Variants in NSUN2 observed in about 807,000 individuals in gnomAD.
NSUN2 encodes RNA cytosine C(5)-methyltransferase NSUN2.
In NSUN2, 63 loss-of-function variants were observed where a neutral mutation model predicts 92.7. The ratio of observed to expected loss-of-function variants is 0.68; its 90% CI spans 0.56 to 0.84. The LOEUF is 0.84. Ranked by LOEUF, NSUN2 falls within the 40% of genes least tolerant of loss-of-function variation. NSUN2 has a pLI of 0.00. For missense variants in NSUN2, 989 were observed against 964.9 expected (o/e 1.02, Z -0.33); for synonymous variants, 356 against 348.3 (o/e 1.02, Z -0.25).
intron 3 of NSUN2, among the ~76,000 whole-genome samples, 167 bp from the exon 4 acceptor site, chr5:6,625,836 G>A (rs1737633176): frequency 6.6e-6 from 1 of 152,200 alleles, no homozygotes; most frequent in Admixed American, 6.5e-5. Flanking sequence ...AGATGTCGCT[G>A]TAGGCTTAAG....
At chr5:6,617,713 A>T (rs899345678) in intron 8 of NSUN2, among the ~76,000 whole-genome samples, 1 of 152,256 alleles carries the variant, frequency 6.6e-6, no homozygotes, top group African/African-American at 2.4e-5. Context: ...GAAGTGTTGC[A>T]AGAAATTTTT....
At chr5:6,611,581 A>G (rs1736994368) in intron 10 of NSUN2, 144 bp downstream of exon 10, 1 of 682,266 alleles carries the variant, frequency 1.5e-6, no homozygotes, top group South Asian at 2.0e-5. Flanking sequence ...GTGTCATGAA[A>G]TAACACTCCG....
chr5:6,604,908 A>T, intron 15 of NSUN2: 1 of 605,390 alleles, frequency 1.7e-6, no homozygotes, highest in Non-Finnish European at 2.9e-6. Flanking sequence ...AAATGGCCAA[A>T]TTCTAAGGGA....
chr5:6,626,474 A>C (rs1737660054), intron 3 of NSUN2, among the ~76,000 whole-genome samples: 1 of 151,936 alleles, frequency 6.6e-6, no homozygotes, highest in African/African-American at 2.4e-5. Context: ...GATTCAAGTA[A>C]TTCTCATGCC....
chr5:6,630,924 T>A (rs1212972555), intron 3 of NSUN2, among the ~76,000 whole-genome samples: 5 of 152,062 alleles, frequency 3.3e-5, no homozygotes, highest in African/African-American at 1.2e-4. Context: ...AAAACCCGTC[T>A]CCACTAAAAA....
At position 6,623,741 on chromosome 5, in the gene NSUN2, G is replaced by A. The variant is rs1200003947; in HGVS notation, c.466-456C>T. Among the ~76,000 whole-genome samples the A allele has an allele frequency of 2.6e-5, 4 of 152,136 alleles. No homozygotes were observed. The East Asian group carries it at 5.8e-4, about 22-fold the overall frequency. On this transcript the variant is annotated intron_variant, in intron 4 of 18. Coordinates refer to ENST00000264670, the MANE Select transcript of NSUN2 (RefSeq NM_017755.6). ...TCCACTATTTTCAGACATAGCCCAT[G>A]CCCACTTTCTATTTCTCATAACTAC...
chr5:6,616,820 G>C lies in NSUN2; in HGVS notation c.928C>G (p.Leu310Val). 6.2e-7 allele frequency: 1 copy of C among 1,614,020 alleles called. No individual in the cohort carries two copies. ...TACACCATCCTTCCACCTTCAGCCA[G>C]CTGTTCAGCCCCGCGTGTTGCAATC... is the stretch of plus-strand genomic sequence containing the variant. ...LRIATRGAEQLAEGGRMVYST... is the reference protein window; with the variant it reads ...LRIATRGAEQVAEGGRMVYST... Residue 310 changes from leucine to valine, a missense_variant, in exon 9 of 19, where the codon CTG becomes GTG. Physicochemically the swap from Leu to Val is conservative, Grantham distance 32. Transcript: ENST00000264670.
In NSUN2 at chr5:6,604,026, A is replaced by C. The variant is rs76534720; in HGVS notation, c.1957+112T>G. 4.6e-3 allele frequency: 4,444 copies of C among 968,974 alleles called. 129 individuals carry two copies. The African/African-American group carries it at 0.064, about 14-fold the overall frequency. 60.0% of individuals were successfully genotyped at this position (968,974 alleles called of 1,614,324 possible). A position where few individuals can be genotyped will look rare whatever the true frequency, so the allele number is the denominator to read the frequency against. ...CCCTCTGGAAATTGATGTAGCCATA[A>C]ATAAACTGAAAACTATGATTGATAA... On this transcript the variant is annotated intron_variant, in intron 17 of 18. Transcript: ENST00000264670.
intron 9 of NSUN2, among the ~76,000 whole-genome samples, chr5:6,612,785 A>G (rs1737054974): frequency 6.6e-6 from 1 of 152,108 alleles, no homozygotes; most frequent in Admixed American, 6.5e-5. Flanking sequence ...TCCATCAAAC[A>G]CTGTCCAGGG....
chr5:6,627,230 C>T (rs1314330725), intron 3 of NSUN2, among the ~76,000 whole-genome samples: 1 of 152,182 alleles, frequency 6.6e-6, no homozygotes, highest in Non-Finnish European at 1.5e-5. Flanking sequence ...CTTTTGGACT[C>T]ATTAGAGGCG....
intron 2 of NSUN2, among the ~76,000 whole-genome samples, chr5:6,632,366 G>A (rs1455752133): frequency 6.6e-6 from 1 of 152,074 alleles, no homozygotes; most frequent in Non-Finnish European, 1.5e-5. Context: ...GATTCCCCAG[G>A]AGCCGAATCT....
chr5:6,617,890 C>G, intron 8 of NSUN2, 60 bp downstream of exon 8: 7 of 1,343,572 alleles, frequency 5.2e-6, no homozygotes, highest in Non-Finnish European at 7.4e-6. Context: ...ACTTGCATAA[C>G]AATAAATCTC....
rs578070465 is a variant in NSUN2 at position 6,609,857 on chromosome 5, G to A, written c.1292C>T (p.Ser431Phe). 6.2e-7 allele frequency: 1 copy of A among 1,613,838 alleles called. No homozygotes were observed. The highest frequency in any genetic ancestry group is 8.5e-7 in the Non-Finnish European group (1 of 1,179,896). ...GFFVAVLVKK[S>F]SMPWNKRQPK... is the part of the protein sequence containing the mutation. Reference sequence around the variant, plus strand: ...CTGACGTTTATTCCACGGCATTGAAGATTTTTTCACCAATACTGCCACAAA... The same window carrying A: ...CTGACGTTTATTCCACGGCATTGAAAATTTTTTCACCAATACTGCCACAAA... Residue 431 changes from serine (S) to phenylalanine (F), a missense_variant, in exon 12 of 19, where the codon TCT becomes TTT. Transcript: ENST00000264670.
chr5:6,632,960 C>G lies in NSUN2; in HGVS notation c.20G>C (p.Gly7Ala). 6.7e-7 allele frequency: 1 copy of G among 1,492,528 alleles called. No homozygotes were observed. Among genetic ancestry groups the G allele is most frequent in the Non-Finnish European group, 8.9e-7 (1 of 1,129,812 alleles). The allele number at this position is 1,492,528 out of a possible 1,614,324, so 92.5% of individuals were successfully genotyped here. Residue 7 changes from glycine (G) to alanine (A), a missense_variant, in exon 1 of 19, where the codon GGT (glycine) becomes GCT (alanine). By Grantham distance (60) the Gly-to-Ala change is moderately conservative. Coordinates refer to ENST00000264670, the MANE Select transcript of NSUN2 (RefSeq NM_017755.6). The stretch of plus-strand genomic sequence containing the variant: ...CCGCTGCTGTTGCTGGAGCCGCCGA[C>G]CCCGCGACCGCCGCCCCATAGCCCA... MGRRSR[G>A]RRLQQQQRPE...
chr5:6,628,326 C>A (rs1330608790), intron 3 of NSUN2, among the ~76,000 whole-genome samples: 1 of 151,982 alleles, frequency 6.6e-6, no homozygotes, highest in Non-Finnish European at 1.5e-5. Flanking sequence ...CCAACCTGGG[C>A]AACAGAGACC....
At chr5:6,631,280 C>A (rs956139259) in intron 3 of NSUN2, among the ~76,000 whole-genome samples, 2 of 152,080 alleles carry the variant, frequency 1.3e-5, no homozygotes, top group Non-Finnish European at 2.9e-5. Flanking sequence ...GGATCACCTT[C>A]ATACAACTGA....
chr5:6,606,477 G>A (rs1357730573), intron 14 of NSUN2, among the ~76,000 whole-genome samples: 1 of 152,044 alleles, frequency 6.6e-6, no homozygotes, highest in East Asian at 1.9e-4. Flanking sequence ...AGTAGAGACG[G>A]GGTTTCACCG....
At position 6,599,282 on chromosome 5, in the gene NSUN2, C is replaced by A. The variant is rs1736445260; in HGVS notation, c.*644G>T. The A allele has an allele frequency of 6.6e-6, 1 of 152,526 alleles. No homozygotes were observed. The highest frequency in any genetic ancestry group is 2.4e-5 in the African/African-American group (1 of 41,408). The allele number at this position is 152,526 out of a possible 1,614,324, so 9.4% of individuals were successfully genotyped here. A position where few individuals can be genotyped will look rare whatever the true frequency, so the allele number is the denominator to read the frequency against. On this transcript the variant is annotated 3_prime_UTR_variant, in exon 19 of 19. Transcript: ENST00000264670. ...TTGAAATATTCCAAGGATCCCAACC[C>A]CATTTAAAAATAAAAATTGTAAAGC...
rs1736486852 is a variant in NSUN2 at position 6,600,094 on chromosome 5, C to T, written c.2136G>A (p.Lys712=). The T allele has an allele frequency of 6.2e-7, 1 of 1,614,170 alleles. No individual in the cohort carries two copies. Among genetic ancestry groups the T allele is most frequent in the Non-Finnish European group, 8.5e-7 (1 of 1,180,012 alleles). The part of the protein sequence containing the change: ...MGLEVLGEKK[K]EGVILTNESA... ...TCTCATTTGTGAGGATAACCCCTTC[C>T]TTCTTCTTTTCTCCCAATACCTCCA... The change falls in exon 19 of 19, where the codon AAG becomes AAA. Residue 712 remains lysine (K), a synonymous_variant. Transcript: ENST00000264670.
Sources: gnomAD v4.1 joint callset for allele counts (sites outside exome capture counted in the v4.1 genomes callset) on GRCh38, gnomAD v4.1.1 for gene constraint, MANE v1.5 for transcripts, NCBI Gene and HGNC (gene_info 2026-07-23, HGNC 2026-07-21) for gene names.